PIGN: variants seen among roughly 807,000 people sequenced by gnomAD.
PIGN encodes phosphatidylinositol glycan anchor biosynthesis class N, also known as GPI ethanolamine phosphate transferase 1.
In PIGN, 117 loss-of-function variants were observed where a neutral mutation model predicts 125.4. That is an observed-to-expected ratio of 0.93 (90% CI 0.80 to 1.09). The LOEUF is 1.09. PIGN is among the 50% of genes least tolerant of loss of function. PIGN has a pLI of 0.00. For missense variants in PIGN, 1,075 were observed against 1,094.9 expected (o/e 0.98, Z 0.26); for synonymous variants, 392 against 377.8 (o/e 1.04, Z -0.44).
rs11152327 is a variant in PIGN, at chr18:62,041,232, T to A, written c.*4624A>T. The stretch of plus-strand genomic sequence containing the variant: ...ACATAAGGTATGAAGGCTTAGTCTA[T>A]ACTCTAGCAGGGCTAGACAATGAGC... On this transcript the variant is annotated 3_prime_UTR_variant, in exon 31 of 31. Coordinates refer to ENST00000640252, the MANE Select transcript of PIGN (RefSeq NM_176787.5). 52,401 of 152,050 alleles carry A rather than the reference T, an allele frequency of 0.34. 10,068 individuals carry two copies. The highest frequency in any genetic ancestry group is 0.7 in the East Asian group (3,642 of 5,184). 9.4% of individuals were successfully genotyped at this position (152,050 alleles called of 1,614,324 possible). A position where few individuals can be genotyped will look rare whatever the true frequency, so the allele number is the denominator to read the frequency against.
intron 30 of PIGN, among the ~76,000 whole-genome samples, chr18:62,053,305 G>A (rs1271855030): frequency 6.6e-6 from 1 of 152,000 alleles, no homozygotes; most frequent in African/African-American, 2.4e-5. Flanking sequence ...GCCATACAAA[G>A]AGATACATTA....
At position 62,140,500 on chromosome 18, in the gene PIGN, T is replaced by A. The variant is rs746611213; in HGVS notation, c.964-21A>T. The A allele has an allele frequency of 2.9e-6, 4 of 1,369,738 alleles. No homozygotes were observed. The African/African-American group carries it at 5.7e-5, about 20-fold the overall frequency. The allele number at this position is 1,369,738 out of a possible 1,614,324, so 84.8% of individuals were successfully genotyped here. On this transcript the variant is annotated intron_variant, in intron 11 of 30. Transcript: ENST00000640252. Reference sequence around the variant, plus strand: ...TCAGCCTACAAATAAAAAAGCTCAATTCTAAGAAGTCTATGGACATCAACA... The same window carrying A: ...TCAGCCTACAAATAAAAAAGCTCAAATCTAAGAAGTCTATGGACATCAACA...
chr18:62,063,453 GATTTTATCCAAAATCTATGGTTTTAT>G, intron 30 of PIGN, among the ~76,000 whole-genome samples: 1 of 118,730 alleles, frequency 8.4e-6, no homozygotes, highest in African/African-American at 2.9e-5. Flanking sequence ...TGGTTTTATA[GATTTTATCCAAAATCTATGGTTTTAT>G]AGATTTTAGC....
chr18:62,036,853 G>T (rs945649079), downstream of PIGN, among the ~76,000 whole-genome samples: 5 of 152,112 alleles, frequency 3.3e-5, no homozygotes, highest in Non-Finnish European at 7.4e-5. Context: ...CCTTGACCTG[G>T]GACACGTGAG....
chr18:62,072,827 G>T, intron 29 of PIGN, 102 bp from the exon 30 acceptor site: 1 of 784,618 alleles, frequency 1.3e-6, no homozygotes, highest in Non-Finnish European at 2.0e-6. Flanking sequence ...CTGACTCTAA[G>T]AATCACTATC....
chr18:62,073,058 A>G (rs532489400), intron 29 of PIGN, among the ~76,000 whole-genome samples: 1 of 152,280 alleles, frequency 6.6e-6, no homozygotes, highest in South Asian at 2.1e-4. Context: ...CTACCAACAA[A>G]TATTTACTGT....
intron 14 of PIGN, among the ~76,000 whole-genome samples, chr18:62,128,087 C>CA (rs1019376647): frequency 6.6e-6 from 1 of 151,980 alleles, no homozygotes; most frequent in African/African-American, 2.4e-5. Flanking sequence ...TTTATAATGT[C>CA]AAAAACATCT....
intron 23 of PIGN, among the ~76,000 whole-genome samples, chr18:62,023,428 C>A (rs1330700837): frequency 6.6e-6 from 1 of 152,194 alleles, no homozygotes; most frequent in African/African-American, 2.4e-5. Context: ...TCAGTGAATA[C>A]AATTCCATTG....
At chr18:62,057,685 C>T (rs2031828251) in intron 30 of PIGN, among the ~76,000 whole-genome samples, 2 of 152,148 alleles carry the variant, frequency 1.3e-5, no homozygotes, top group Non-Finnish European at 2.9e-5. Flanking sequence ...GGAATAAACT[C>T]CCAATTCTTT....
intron 30 of PIGN, among the ~76,000 whole-genome samples, chr18:62,063,887 T>C (rs2032347431): frequency 7.7e-6 from 1 of 130,658 alleles, no homozygotes; most frequent in Non-Finnish European, 1.5e-5. Context: ...ATGAGAACAC[T>C]TGGACACAGG....
At chr18:62,166,055 T>C (rs1327325277) in intron 1 of PIGN, among the ~76,000 whole-genome samples, 2 of 152,124 alleles carry the variant, frequency 1.3e-5, no homozygotes, top group African/African-American at 4.8e-5. Flanking sequence ...TGAGGAATAA[T>C]TTAGAATATA....
chr18:62,165,673 G>C (rs2037108308), intron 1 of PIGN, among the ~76,000 whole-genome samples: 1 of 152,154 alleles, frequency 6.6e-6, no homozygotes, highest in South Asian at 2.1e-4. Context: ...CACTACTAGA[G>C]ACAGAAAAAA....
chr18:62,105,571 C>T lies in PIGN; in HGVS notation c.1831G>A (p.Val611Ile). ...AGAGAGATGTCTGGCTTTCGACCTACAACCGGCATCAGTGGGAACACTGCC... is the reference window on the plus strand; with the variant it reads ...AGAGAGATGTCTGGCTTTCGACCTATAACCGGCATCAGTGGGAACACTGCC... Reference protein sequence around the residue: ...LLAVFPLMPVVGRKPDISLVM... With the variant: ...LLAVFPLMPVIGRKPDISLVM... The change falls in exon 20 of 31, where the codon GTA becomes ATA. Residue 611 changes from valine to isoleucine, a missense_variant. Physicochemically the swap from Val to Ile is conservative, Grantham distance 29. Around this residue, in one of 3 missense-constraint regions of PIGN, gnomAD observed 915 missense variants for 908.7 expected, o/e 1.01. Coordinates refer to ENST00000640252, the MANE Select transcript of PIGN (RefSeq NM_176787.5). The T allele has an allele frequency of 1.3e-6, 2 of 1,553,386 alleles. No individual in the cohort carries two copies. Among genetic ancestry groups the T allele is most frequent in the Non-Finnish European group, 1.7e-6 (2 of 1,147,128 alleles).
intron 6 of PIGN, among the ~76,000 whole-genome samples, chr18:62,156,295 G>A (rs1212148183): frequency 6.6e-6 from 1 of 152,100 alleles, no homozygotes; most frequent in Non-Finnish European, 1.5e-5. Context: ...CATCTTCGAT[G>A]TATTAAAACA....
intron 7 of PIGN, among the ~76,000 whole-genome samples, chr18:62,149,454 T>C (rs1473539751): frequency 6.6e-6 from 1 of 152,200 alleles, no homozygotes; most frequent in Non-Finnish European, 1.5e-5. Context: ...AGCAAATGAC[T>C]TGAATTACAT....
intron 22 of PIGN, among the ~76,000 whole-genome samples, chr18:62,097,478 A>G: frequency 6.8e-6 from 1 of 147,450 alleles, no homozygotes; most frequent in African/African-American, 2.5e-5. Context: ...TGTTGGTGGG[A>G]CTGTAAACTA....
At chr18:62,163,205 G>A (rs1433637200) in intron 2 of PIGN, among the ~76,000 whole-genome samples, 1 of 151,912 alleles carries the variant, frequency 6.6e-6, no homozygotes, top group East Asian at 1.9e-4. Flanking sequence ...CTTTTGTTTT[G>A]ATTATTATAG....
chr18:62,092,739 C>T (rs2034019805), intron 23 of PIGN, among the ~76,000 whole-genome samples: 1 of 151,810 alleles, frequency 6.6e-6, no homozygotes, highest in Non-Finnish European at 1.5e-5. Flanking sequence ...TGATTTTATC[C>T]CTTATTCCTA....
At chr18:62,138,438 CATAA>C (rs1239729660) in intron 13 of PIGN, 140 bp from the exon 14 acceptor site, 2 of 1,232,628 alleles carry the variant, frequency 1.6e-6, no homozygotes, top group African/African-American at 3.1e-5. Flanking sequence ...TATATTGTTT[CATAA>C]ATATTTAAAG....
Sources: allele counts gnomAD v4.1 joint callset (sites outside exome capture counted in the v4.1 genomes callset), GRCh38; gene constraint gnomAD v4.1.1; regional missense constraint gnomAD v4.1.1; transcripts MANE v1.5; gene names NCBI Gene and HGNC (gene_info 2026-07-23, HGNC 2026-07-21).